MIDEAS: variants seen among roughly 807,000 people sequenced by gnomAD.
MIDEAS encodes mitotic deacetylase associated SANT domain protein.
In MIDEAS, 26 loss-of-function variants were observed where a neutral mutation model predicts 102.7. The ratio of observed to expected loss-of-function variants is 0.25; its 90% CI spans 0.19 to 0.35. The LOEUF (loss-of-function observed/expected upper bound fraction) is 0.35, where lower values mean the gene tolerates loss of function less well. Ranked by LOEUF, MIDEAS falls within the 10% of genes least tolerant of loss-of-function variation. MIDEAS has a pLI of 1.00. For synonymous variants in MIDEAS, 585 were observed against 591.0 expected (o/e 0.99, Z 0.15); for missense variants, 1,231 against 1,435.6 (o/e 0.86, Z 2.30).
At chr14:73,773,702 C>T (rs188523460) in intron 1 of MIDEAS, among the ~76,000 whole-genome samples, 17 of 152,012 alleles carry the variant, frequency 1.1e-4, no homozygotes, top group African/African-American at 3.9e-4. Flanking sequence ...CTAAGGGTGG[C>T]TCAACTTCAA....
chr14:73,719,137 A>G, intron 12 of MIDEAS, 129 bp from the exon 13 acceptor site: 4 of 1,462,022 alleles, frequency 2.7e-6, no homozygotes, highest in Non-Finnish European at 3.6e-6. Flanking sequence ...AGCTCGCGTC[A>G]TTTTCCGAAA....
At chr14:73,719,130 T>G in intron 12 of MIDEAS, 122 bp from the exon 13 acceptor site, 1 of 1,462,006 alleles carries the variant, frequency 6.8e-7, no homozygotes, top group South Asian at 1.4e-5. Context: ...GCCGGCCAGC[T>G]CGCGTCATTT....
chr14:73,738,125 C>T (rs144022906), intron 2 of MIDEAS, among the ~76,000 whole-genome samples: 121 of 152,130 alleles, frequency 8.0e-4, no homozygotes, highest in African/African-American at 2.6e-3. Context: ...TGGCTGGACA[C>T]GGTGGCTCAC....
At position 73,725,934 on chromosome 14, in the gene MIDEAS, G is replaced by C. The variant is rs192089829; in HGVS notation, c.2485+99C>G. On this transcript the variant is annotated intron_variant, in intron 8 of 12. Transcript: ENST00000423556. This position sits in a 1 kb window ranked among gnomAD's most constrained non-coding sequence, Gnocchi z 4.1. ...TTGGCTTATCTACCCTCCTCCTCCC[G>C]CCCCCACCCAGGGCTGTGACTCAGC... 9.6e-7 allele frequency: 1 copy of C among 1,042,844 alleles called. No homozygotes were observed. The highest frequency in any genetic ancestry group is 1.4e-5 in the South Asian group (1 of 73,032). 64.6% of individuals were successfully genotyped at this position (1,042,844 alleles called of 1,614,324 possible).
chr14:73,738,720 C>A lies in MIDEAS; in HGVS notation c.1289G>T (p.Ser430Ile). 1 of 1,613,254 alleles carries A rather than the reference C, an allele frequency of 6.2e-7. No individual in the cohort carries two copies. Among genetic ancestry groups the A allele is most frequent in the Non-Finnish European group, 8.5e-7 (1 of 1,179,606 alleles). Residue 430 changes from serine (S) to isoleucine (I), a missense_variant, in exon 2 of 13, where the codon AGC (serine) becomes ATC (isoleucine). Transcript: ENST00000423556. ...GREREAPAMG[S>I]EEGMRAVSTG... ...GCTCACTGCCCTCATGCCCTCCTCG[C>A]TGCCCATGGCAGGAGCCTCTCGCTC...
Position 73,738,576 on chromosome 14 carries a change from G to A in MIDEAS, c.1433C>T (p.Ser478Leu), listed in dbSNP as rs2053233949. 1 of 1,583,648 alleles carries A rather than the reference G, an allele frequency of 6.3e-7. No homozygotes were observed. Among genetic ancestry groups the A allele is most frequent in the Non-Finnish European group, 8.6e-7 (1 of 1,164,372 alleles). ...TLAQKAVELA[S>L]LQNAKDGSGS... is the part of the protein sequence containing the mutation. Reference sequence around the variant, plus strand: ...CACTCTCACCTTTGCATTCTGCAGTGAGGCCAGCTCCACAGCCTTCTGGGC... The same window carrying A: ...CACTCTCACCTTTGCATTCTGCAGTAAGGCCAGCTCCACAGCCTTCTGGGC... The change falls in exon 2 of 13, where the codon TCA (serine) becomes TTA (leucine). Residue 478 changes from serine (S) to leucine (L), a missense_variant. Physicochemically the swap from Ser to Leu is moderately radical, Grantham distance 145. This residue lies in a region of MIDEAS where 758 missense variants were observed against 856.0 expected (regional missense o/e 0.89). Transcript: ENST00000423556.
chr14:73,739,927 G>T lies in MIDEAS; in HGVS notation c.82C>A (p.Gln28Lys), dbSNP rs369261513. The change falls in exon 2 of 13, where the codon CAG (glutamine) becomes AAG (lysine). Residue 28 changes from glutamine to lysine, a missense_variant. By Grantham distance (53) the Gln-to-Lys change is moderately conservative. Around this residue, in one of 5 missense-constraint regions of MIDEAS, gnomAD observed 758 missense variants for 856.0 expected, o/e 0.89. Transcript: ENST00000423556. Reference protein sequence around the residue: ...FGGQEPAPKEQPPPLQPPQQS... With the variant: ...FGGQEPAPKEKPPPLQPPQQS... The stretch of plus-strand genomic sequence containing the variant: ...TGGGGGGGCTGCAGGGGAGGGGGCT[G>T]CTCCTTGGGAGCTGGTTCCTGGCCC... 11 of 1,526,170 alleles carry T rather than the reference G, an allele frequency of 7.2e-6. No individual in the cohort carries two copies. Among genetic ancestry groups the T allele is most frequent in the Non-Finnish European group, 9.7e-6 (11 of 1,137,384 alleles). The allele number at this position is 1,526,170 out of a possible 1,614,324, so 94.5% of individuals were successfully genotyped here. A position where few individuals can be genotyped will look rare whatever the true frequency, so the allele number is the denominator to read the frequency against.
rs773077694 is a variant in MIDEAS at position 73,739,138 on chromosome 14, G to T, written c.871C>A (p.Gln291Lys). ...PSQQPQDFGL[Q>K]PAGPLGQSHL... ...GACTGTCCCAGTGGCCCAGCTGGCT[G>T]CAGGCCAAAGTCCTGGGGTTGCTGC... is the stretch of plus-strand genomic sequence containing the variant. Residue 291 changes from glutamine (Q) to lysine (K), a missense_variant, in exon 2 of 13, where the codon CAG (glutamine) becomes AAG (lysine). Physicochemically the swap from Gln to Lys is moderately conservative, Grantham distance 53 (BLOSUM62 1). This residue lies in a region of MIDEAS where 758 missense variants were observed against 856.0 expected (regional missense o/e 0.89). Transcript: ENST00000423556. 1 of 1,612,798 alleles carries T rather than the reference G, an allele frequency of 6.2e-7. No homozygotes were observed. The highest frequency in any genetic ancestry group is 8.5e-7 in the Non-Finnish European group (1 of 1,179,188).
chr14:73,783,315 G>C (rs962092450), intron 1 of MIDEAS, among the ~76,000 whole-genome samples: 2 of 152,182 alleles, frequency 1.3e-5, no homozygotes, highest in Non-Finnish European at 2.9e-5. Flanking sequence ...GACTGGAAGG[G>C]GAGCAGGACT....
chr14:73,758,051 G>A (rs1373384922), intron 1 of MIDEAS, among the ~76,000 whole-genome samples: 1 of 151,960 alleles, frequency 6.6e-6, no homozygotes, highest in Admixed American at 6.5e-5. Flanking sequence ...CATCCTCCAG[G>A]TTCTTCACCC....
intron 1 of MIDEAS, among the ~76,000 whole-genome samples, chr14:73,745,439 T>C (rs755584863): frequency 9.2e-5 from 14 of 152,156 alleles, no homozygotes; most frequent in Non-Finnish European, 1.3e-4. Flanking sequence ...TGCCCTGACA[T>C]GGCTGGACCT....
upstream of MIDEAS, chr14:73,789,120 T>G (rs2053845191): frequency 6.6e-6 from 1 of 152,154 alleles, no homozygotes; most frequent in African/African-American, 2.4e-5. Flanking sequence ...CCTCCAGGTA[T>G]TCATACCCTT....
intron 1 of MIDEAS, among the ~76,000 whole-genome samples, chr14:73,782,811 CA>C: frequency 6.6e-6 from 1 of 152,306 alleles, no homozygotes; most frequent in South Asian, 2.1e-4. Flanking sequence ...AAGATACTGA[CA>C]GTCAGGAAAG....
At chr14:73,721,727 C>G (rs1027676120) in intron 10 of MIDEAS, 2 of 543,038 alleles carry the variant, frequency 3.7e-6, no homozygotes, top group Admixed American at 3.1e-5. Context: ...TGAGAGAGAA[C>G]GAGGGGCAAG....
chr14:73,789,411 A>G (rs1046149935), upstream of MIDEAS, among the ~76,000 whole-genome samples: 6 of 152,130 alleles, frequency 3.9e-5, no homozygotes, highest in Non-Finnish European at 7.3e-5. Context: ...CCCCATGTTA[A>G]TCAAGACTTC....
rs1392362839 is a variant in MIDEAS at position 73,721,420 on chromosome 14, G to C, written c.2814C>G (p.Pro938=). Residue 938 remains proline (P), a synonymous_variant, in exon 11 of 13, where the codon CCC becomes CCG. Transcript: ENST00000423556. ...GCACCTCCTCCTCCCCCTCCTTCCT[G>C]GGCTCCTTCACCTCCCTCTTGGGCT... ...RLEPKREVKE[P]RKEGEEEVPE... 6.2e-7 allele frequency: 1 copy of C among 1,614,054 alleles called. No individual in the cohort carries two copies. The highest frequency in any genetic ancestry group is 1.7e-5 in the Admixed American group (1 of 60,000).
At chr14:73,771,625 G>C (rs923960122) in intron 1 of MIDEAS, among the ~76,000 whole-genome samples, 1 of 152,198 alleles carries the variant, frequency 6.6e-6, no homozygotes, top group Non-Finnish European at 1.5e-5. Flanking sequence ...GATATGAGAA[G>C]GTGCTCAGAA....
At position 73,742,855 on chromosome 14, in the gene MIDEAS, C is replaced by G. The variant is rs768114220; in HGVS notation, c.-247-2600G>C. Among the ~76,000 whole-genome samples the G allele has an allele frequency of 4.5e-4, 68 of 152,090 alleles. No homozygotes were observed. Among genetic ancestry groups the G allele is most frequent in the Non-Finnish European group, 9.1e-4 (62 of 68,008 alleles). On this transcript the variant is annotated intron_variant, in intron 1 of 12. Transcript: ENST00000423556. This position sits in a 1 kb window ranked among gnomAD's most constrained non-coding sequence, Gnocchi z 4.4. ...CTGGGAGGAAGGGTGAAGAGGCACA[C>G]CTAGGCAGCAGGGCACTAAGTAGTC...
rs766538579 is a variant in MIDEAS, at chr14:73,721,336, C to G, written c.2898G>C (p.Ala966=). ...GTAGTGTCTGCGTGGCTTTGACTGC[C>G]GCTGCCCGCCTGCTGCGCTCTCGCC... is the stretch of plus-strand genomic sequence containing the variant. The part of the protein sequence containing the change: ...EEGRERSRRA[A]AVKATQTLQA... The change falls in exon 11 of 13, where the codon GCG becomes GCC. Residue 966 remains alanine (A), a synonymous_variant. Transcript: ENST00000423556. The G allele has an allele frequency of 6.8e-6, 11 of 1,613,786 alleles. No individual in the cohort carries two copies. In the East Asian group the frequency reaches 1.1e-4, roughly 16 times the overall value.
Sources: gnomAD v4.1 joint callset for allele counts (sites outside exome capture counted in the v4.1 genomes callset) on GRCh38, gnomAD v4.1.1 for gene constraint, gnomAD v4.1.1 regional missense constraint, Gnocchi (gnomAD v3.1) non-coding constraint, MANE v1.5 for transcripts, NCBI Gene and HGNC (gene_info 2026-07-23, HGNC 2026-07-21) for gene names.